Variants in WDR36 observed in about 807,000 individuals in gnomAD.
The protein encoded by WDR36 is WD repeat domain 36.
In WDR36, 63 loss-of-function variants were observed where a neutral mutation model predicts 112.7. That is an observed-to-expected ratio of 0.56 (90% confidence interval 0.46 to 0.69). The LOEUF (loss-of-function observed/expected upper bound fraction) is 0.69, where lower values mean the gene tolerates loss of function less well. Ranked by LOEUF, WDR36 falls within the 30% of genes least tolerant of loss-of-function variation. The pLI is 0.00. For missense variants in WDR36, 1,226 were observed against 1,070.3 expected, an observed-to-expected ratio of 1.15 and a Z score of -2.03; for synonymous variants, 410 against 362.2, an observed-to-expected ratio of 1.13 and a Z score of -1.50.
chr5:111,115,939 TTC>T (rs1753445417), intron 16 of WDR36, among the ~76,000 whole-genome samples: 1 of 152,098 alleles, frequency 6.6e-6, no homozygotes, highest in African/African-American at 2.4e-5. Context: ...TCAGATTGAA[TTC>T]TTTCTTATTT....
intron 4 of WDR36, among the ~76,000 whole-genome samples, chr5:111,099,905 G>A (rs1753085753): frequency 6.6e-6 from 1 of 152,014 alleles, no homozygotes; most frequent in South Asian, 2.1e-4. Flanking sequence ...CTGGAAAATA[G>A]AGTGGAACAT....
In WDR36 at chr5:111,128,261, C is replaced by T. The variant is rs1255596698; in HGVS notation, c.*1378C>T. 1 of 188,508 alleles carries T rather than the reference C, an allele frequency of 5.3e-6. No individual in the cohort carries two copies. The highest frequency in any genetic ancestry group is 1.1e-5 in the Non-Finnish European group (1 of 89,554). The allele number at this position is 188,508 out of a possible 1,614,324, so 11.7% of individuals were successfully genotyped here. A position where few individuals can be genotyped will look rare whatever the true frequency, so the allele number is the denominator to read the frequency against. On this transcript the variant is annotated 3_prime_UTR_variant, in exon 23 of 23. Coordinates refer to ENST00000513710, the MANE Select transcript of WDR36 (RefSeq NM_139281.3). ...GTAAGAGAGTTTTGTAGAATGATCT[C>T]CAAAAGAAGCAGTCCTCAAAAGGCA...
chr5:111,098,663 A>G, intron 3 of WDR36, 59 bp from the exon 4 acceptor site: 2 of 1,110,446 alleles, frequency 1.8e-6, no homozygotes, highest in Non-Finnish European at 2.8e-6. Context: ...GATAATATGA[A>G]TAATATGACA....
intron 4 of WDR36, 48 bp downstream of exon 4, chr5:111,098,887 T>C (rs746718527): frequency 7.7e-7 from 1 of 1,299,374 alleles, no homozygotes; most frequent in Non-Finnish European, 1.1e-6. Flanking sequence ...AGTATGTGTT[T>C]AATTAAAATT....
intron 16 of WDR36, 97 bp from the exon 17 acceptor site, chr5:111,118,916 A>G: frequency 2.2e-6 from 2 of 914,958 alleles, no homozygotes; most frequent in Non-Finnish European, 3.6e-6. Context: ...CATTTTCTGC[A>G]TCTCTTATCC....
intron 9 of WDR36, 99 bp downstream of exon 9, chr5:111,104,916 T>C (rs1245112719): frequency 1.3e-6 from 2 of 1,560,156 alleles, no homozygotes; most frequent in Admixed American, 3.4e-5. Flanking sequence ...GATTCACATA[T>C]CTCTTTGAGT....
intron 4 of WDR36, among the ~76,000 whole-genome samples, chr5:111,099,440 GGTTTTTTTTTGTTTTTTTTTTTGTT>G (rs1753066520): frequency 9.9e-6 from 1 of 101,442 alleles, no homozygotes. Context: ...ATTGCCTCTT[GGTTTTTTTTTGTTTTTTTTTTTGTT>G]TTTTTTTTTT....
At chr5:111,114,594 C>G (rs971565330) in intron 16 of WDR36, among the ~76,000 whole-genome samples, 82 of 152,164 alleles carry the variant, frequency 5.4e-4, no homozygotes, top group African/African-American at 1.9e-3. Flanking sequence ...ACAGGTTTGT[C>G]TCTTTCACTT....
At chr5:111,118,858 T>A (rs1753507960) in intron 16 of WDR36, among the ~76,000 whole-genome samples, 155 bp from the exon 17 acceptor site, 1 of 152,190 alleles carries the variant, frequency 6.6e-6, no homozygotes, top group African/African-American at 2.4e-5. Flanking sequence ...CAAAGCTGTT[T>A]ATTAGTGGTG....
chr5:111,106,110 G>T lies in WDR36; in HGVS notation c.1147G>T (p.Val383Leu), dbSNP rs370537428. 5.0e-6 allele frequency: 8 copies of T among 1,609,994 alleles called. No individual in the cohort carries two copies. In the African/African-American group the frequency reaches 8.0e-5, roughly 16 times the overall value. The change falls in exon 11 of 23, where the codon GTG becomes TTG. Residue 383 changes from valine (V) to leucine (L), a missense_variant. Transcript: ENST00000513710. ...KRKGLQNTMS[V>L]RLPPITKFAA... ...TAAAGGACTTCAGAATACCATGTCA[G>T]TGAGACTTCCACCCATCACAAAGTT... is the stretch of plus-strand genomic sequence containing the variant.
chr5:111,103,554 A>C (rs567018565), intron 6 of WDR36, among the ~76,000 whole-genome samples: 2 of 151,726 alleles, frequency 1.3e-5, no homozygotes, highest in Non-Finnish European at 3.0e-5. Flanking sequence ...TGAGGATGGG[A>C]TGTTGACTGG....
chr5:111,109,025 G>A (rs1212992899), intron 12 of WDR36, among the ~76,000 whole-genome samples: 2 of 151,156 alleles, frequency 1.3e-5, no homozygotes, highest in Admixed American at 6.6e-5. Flanking sequence ...TAACATTCAC[G>A]GTTTATTTAT....
intron 5 of WDR36, among the ~76,000 whole-genome samples, chr5:111,101,756 C>T (rs1753125466): frequency 6.6e-6 from 1 of 151,764 alleles, no homozygotes; most frequent in African/African-American, 2.4e-5. Context: ...TACAATTTAA[C>T]AAATACCATT....
At position 111,107,286 on chromosome 5, in the gene WDR36, C is replaced by A. The variant is rs780115308; in HGVS notation, c.1181-8C>A. 17 of 1,608,138 alleles carry A rather than the reference C, an allele frequency of 1.1e-5. No individual in the cohort carries two copies. Among genetic ancestry groups the A allele is most frequent in the Non-Finnish European group, 1.4e-5 (17 of 1,176,430 alleles). ...GTAATTTGATTTATGATTTTCATTA[C>A]GTTTTAGAGGAAGCTCGTGAAAGTG... On this transcript the variant is annotated splice_polypyrimidine_tract_variant and splice_region_variant and intron_variant, in intron 11 of 22. Transcript: ENST00000513710.
chr5:111,102,526 T>C (rs1190520249), intron 6 of WDR36, 127 bp downstream of exon 6: 1 of 936,616 alleles, frequency 1.1e-6, no homozygotes, highest in African/African-American at 1.7e-5. Context: ...TTTAAAATTG[T>C]TAGCCTGAGG....
At chr5:111,104,630 G>T (rs1753188067) in intron 8 of WDR36, 67 bp from the exon 9 acceptor site, 1 of 1,607,924 alleles carries the variant, frequency 6.2e-7, no homozygotes. Flanking sequence ...TTATGTAGGG[G>T]GTGATTTGAC....
At chr5:111,121,839 C>T (rs572940405) in intron 19 of WDR36, among the ~76,000 whole-genome samples, 1 of 152,084 alleles carries the variant, frequency 6.6e-6, no homozygotes, top group South Asian at 2.1e-4. Flanking sequence ...TTCAGGTTAC[C>T]TTTTGATCAT....
intron 4 of WDR36, among the ~76,000 whole-genome samples, chr5:111,100,350 T>C (rs980755309): frequency 3.3e-5 from 5 of 151,972 alleles, no homozygotes; most frequent in African/African-American, 9.7e-5. Context: ...AAACTTTTAA[T>C]AGTATTTTTA....
At chr5:111,103,741 C>A in intron 6 of WDR36, 45 bp from the exon 7 acceptor site, 1 of 1,606,334 alleles carries the variant, frequency 6.2e-7, no homozygotes, top group South Asian at 1.1e-5. Flanking sequence ...ATTATTAAAG[C>A]TATTTTGCTT....
Sources: gnomAD v4.1 joint callset for allele counts (sites outside exome capture counted in the v4.1 genomes callset) on GRCh38, gnomAD v4.1.1 for gene constraint, MANE v1.5 for transcripts, NCBI Gene and HGNC (gene_info 2026-07-23, HGNC 2026-07-21) for gene names.